The following GNAQ variants were observed in gnomAD, a reference collection of about 807,000 sequenced individuals.
GNAQ encodes the protein G protein subunit alpha q, also known as guanine nucleotide-binding protein G(q) subunit alpha.
GNAQ carries 8 observed loss-of-function variants against 43.9 expected under a neutral mutation model. The ratio of observed to expected loss-of-function variants is 0.18; its 90% CI spans 0.11 to 0.33. GNAQ has a LOEUF of 0.33. GNAQ is among the 10% of genes least tolerant of loss of function. The pLI is 1.00. For synonymous variants in GNAQ, 155 were observed against 170.7 expected (o/e 0.91, Z 0.71); for missense variants, 158 against 450.8 (o/e 0.35, Z 5.88).
chr9:77,843,093 A>G (rs913941810), intron 2 of GNAQ, among the ~76,000 whole-genome samples: 1 of 152,230 alleles, frequency 6.6e-6, no homozygotes, highest in African/African-American at 2.4e-5. Context: ...TAATAATACA[A>G]ATTTGAAAGA....
At chr9:77,761,530 C>A (rs1826022694) in intron 5 of GNAQ, among the ~76,000 whole-genome samples, 1 of 145,244 alleles carries the variant, frequency 6.9e-6, no homozygotes, top group African/African-American at 2.5e-5. Context: ...GCCAGCCGCC[C>A]CGTCCGGGAG....
At chr9:77,983,488 C>T (rs1823394279) in intron 1 of GNAQ, among the ~76,000 whole-genome samples, 2 of 152,218 alleles carry the variant, frequency 1.3e-5, no homozygotes, top group African/African-American at 4.8e-5. Context: ...ACTGAGAGGA[C>T]TGGTATGGCC....
At chr9:77,887,079 G>A (rs1472906076) in intron 2 of GNAQ, among the ~76,000 whole-genome samples, 1 of 152,062 alleles carries the variant, frequency 6.6e-6, no homozygotes, top group Non-Finnish European at 1.5e-5. Flanking sequence ...CCAAGTTTGC[G>A]CCACTGCACT....
At chr9:77,722,042 GTC>G (rs1276501313) in intron 6 of GNAQ, among the ~76,000 whole-genome samples, 1 of 152,116 alleles carries the variant, frequency 6.6e-6, no homozygotes, top group African/African-American at 2.4e-5. Flanking sequence ...CTCTGTAACA[GTC>G]TCACTTCCAT....
At chr9:77,816,912 G>A (rs964553461) in intron 2 of GNAQ, among the ~76,000 whole-genome samples, 1 of 152,120 alleles carries the variant, frequency 6.6e-6, no homozygotes, top group Non-Finnish European at 1.5e-5. Flanking sequence ...GACTAATCTT[G>A]ACTTAAGGTT....
At chr9:77,862,336 C>T (rs1466554700) in intron 2 of GNAQ, among the ~76,000 whole-genome samples, 1 of 152,198 alleles carries the variant, frequency 6.6e-6, no homozygotes, top group Non-Finnish European at 1.5e-5. Flanking sequence ...CCCCACCCTG[C>T]AGCAAATTTC....
At chr9:77,767,262 T>C (rs1826151550) in intron 5 of GNAQ, among the ~76,000 whole-genome samples, 1 of 152,124 alleles carries the variant, frequency 6.6e-6, no homozygotes, top group South Asian at 2.1e-4. Flanking sequence ...TGAGGGGCTG[T>C]CCTGTGTGCC....
At chr9:77,858,881 T>C (rs1035564375) in intron 2 of GNAQ, among the ~76,000 whole-genome samples, 1 of 152,086 alleles carries the variant, frequency 6.6e-6, no homozygotes, top group Admixed American at 6.6e-5. Flanking sequence ...TTGAGTTTTG[T>C]AATGGCCTGA....
chr9:77,978,456 C>T (rs959771684), intron 1 of GNAQ, among the ~76,000 whole-genome samples: 2 of 152,198 alleles, frequency 1.3e-5, no homozygotes, highest in African/African-American at 4.8e-5. Context: ...GCCTTCTAGC[C>T]TCAGGCTTCT....
rs556040907 is a variant in GNAQ, at chr9:77,940,172, T to C, written c.137-17827A>G. 2.0e-4 allele frequency among the ~76,000 whole-genome samples: 31 copies of C among 152,188 alleles called. No homozygotes were observed. In the South Asian group the frequency reaches 4.6e-3, roughly 22 times the overall value. ...AGAGAAGTTATAAAGGTGAAGAACA[T>C]AGGGCATGGAAAAAATCTGAATATT... is the stretch of plus-strand genomic sequence containing the variant. On this transcript the variant is annotated intron_variant, in intron 1 of 6. Coordinates refer to ENST00000286548, the MANE Select transcript of GNAQ (RefSeq NM_002072.5).
chr9:77,968,844 G>C (rs542445776), intron 1 of GNAQ, among the ~76,000 whole-genome samples: 5 of 152,336 alleles, frequency 3.3e-5, no homozygotes, highest in African/African-American at 1.2e-4. Flanking sequence ...TAACCCCTAA[G>C]TATGGGGATT....
intron 4 of GNAQ, among the ~76,000 whole-genome samples, chr9:77,795,369 T>A (rs981464232): frequency 6.6e-6 from 1 of 152,196 alleles, no homozygotes; most frequent in Non-Finnish European, 1.5e-5. Context: ...TCTGAAAATA[T>A]CTAGCAATGC....
chr9:77,927,232 T>G (rs920646595), intron 1 of GNAQ, among the ~76,000 whole-genome samples: 2 of 152,228 alleles, frequency 1.3e-5, no homozygotes. Flanking sequence ...TTATTTTGCC[T>G]ATTTGCATGA....
chr9:77,820,712 T>G lies in GNAQ; in HGVS notation c.322-4942A>C, dbSNP rs111636424. On this transcript the variant is annotated intron_variant, in intron 2 of 6. Transcript: ENST00000286548. ...GACTACTGAATCTCAAATTAGTAAT[T>G]CTGGGAACCACAGTAGCAAAGAGGA... Among the ~76,000 whole-genome samples, 860 of 152,318 alleles carry G rather than the reference T, an allele frequency of 5.6e-3. 1 individual carries two copies. Among genetic ancestry groups the G allele is most frequent in the African/African-American group, 0.02 (812 of 41,568 alleles).
intron 1 of GNAQ, among the ~76,000 whole-genome samples, chr9:77,981,563 T>C (rs1172595729): frequency 6.6e-6 from 1 of 152,198 alleles, no homozygotes; most frequent in Admixed American, 6.5e-5. Context: ...AGGAAGTTCA[T>C]AGCTGGCTGT....
At position 77,848,429 on chromosome 9, in the gene GNAQ, G is replaced by A. The variant is rs186492678; in HGVS notation, c.322-32659C>T. On this transcript the variant is annotated intron_variant, in intron 2 of 6. Coordinates refer to ENST00000286548, the MANE Select transcript of GNAQ (RefSeq NM_002072.5). ...CAAGCTATTTCACTAGAGTCTTAGGGTGCAACTCTCTTAACAAGCAACCCC... is the reference window on the plus strand; with the variant it reads ...CAAGCTATTTCACTAGAGTCTTAGGATGCAACTCTCTTAACAAGCAACCCC... 1.7e-4 allele frequency among the ~76,000 whole-genome samples: 26 copies of A among 152,286 alleles called. No homozygotes were observed. The East Asian group carries it at 4.4e-3, about 26-fold the overall frequency.
intron 1 of GNAQ, among the ~76,000 whole-genome samples, chr9:78,022,363 T>C (rs1323055692): frequency 6.6e-6 from 1 of 152,144 alleles, no homozygotes; most frequent in Non-Finnish European, 1.5e-5. Context: ...CTACAGGTTT[T>C]TATAGAAAAA....
intron 1 of GNAQ, among the ~76,000 whole-genome samples, chr9:78,006,900 G>C (rs1357504529): frequency 6.6e-6 from 1 of 152,172 alleles, no homozygotes; most frequent in Non-Finnish European, 1.5e-5. Context: ...TTCTTTGCTA[G>C]TGAGGTTTAG....
At chr9:77,871,975 A>G (rs1358519625) in intron 2 of GNAQ, among the ~76,000 whole-genome samples, 3 of 152,220 alleles carry the variant, frequency 2.0e-5, no homozygotes, top group African/African-American at 7.2e-5. Context: ...TATCTCATGT[A>G]TATGGAATTC....
Sources: allele counts gnomAD v4.1 joint callset (sites outside exome capture counted in the v4.1 genomes callset), GRCh38; gene constraint gnomAD v4.1.1; transcripts MANE v1.5; gene names NCBI Gene and HGNC (gene_info 2026-07-23, HGNC 2026-07-21).